Variants in ZNF423 observed in about 807,000 individuals in gnomAD.
The protein encoded by ZNF423 is Ebf-associated zinc finger protein.
In ZNF423, 12 loss-of-function variants were observed where a neutral mutation model predicts 95.8. That is an observed-to-expected ratio of 0.13 (90% confidence interval 0.08 to 0.20). The LOEUF is 0.20. ZNF423 is among the 10% of genes least tolerant of loss of function. The pLI, the probability that ZNF423 is intolerant of heterozygous loss-of-function variation, is 1.00. For synonymous variants in ZNF423, 749 were observed against 711.9 expected, an observed-to-expected ratio of 1.05 and a Z score of -0.83; for missense variants, 1,316 against 1,737.1, an observed-to-expected ratio of 0.76 and a Z score of 4.31.
At chr16:49,755,891 C>T (rs1038109441) in intron 2 of ZNF423, among the ~76,000 whole-genome samples, 1 of 152,166 alleles carries the variant, frequency 6.6e-6, no homozygotes, top group African/African-American at 2.4e-5. Flanking sequence ...GAATGCCTGC[C>T]ACCCGAAGAC....
intron 1 of ZNF423, among the ~76,000 whole-genome samples, chr16:49,806,619 A>G (rs546898109): frequency 2.6e-5 from 4 of 152,270 alleles, no homozygotes; most frequent in Admixed American, 1.3e-4. Context: ...TGATTTGTGT[A>G]TGTATGACGT....
chr16:49,505,034 C>T (rs920507549), intron 7 of ZNF423, among the ~76,000 whole-genome samples: 1 of 152,126 alleles, frequency 6.6e-6, no homozygotes, highest in Admixed American at 6.5e-5. Context: ...CAGGGCACAC[C>T]TACACATGAC....
chr16:49,498,287 T>A (rs895966821), intron 7 of ZNF423, among the ~76,000 whole-genome samples: 1 of 152,234 alleles, frequency 6.6e-6, no homozygotes, highest in Non-Finnish European at 1.5e-5. Context: ...CTGCCACTGG[T>A]GATGGCAGTG....
At chr16:49,617,807 C>T (rs929955589) in intron 5 of ZNF423, among the ~76,000 whole-genome samples, 1 of 152,178 alleles carries the variant, frequency 6.6e-6, no homozygotes, top group Admixed American at 6.5e-5. Context: ...ATGCCACTGA[C>T]CCTGCTCACA....
intron 7 of ZNF423, among the ~76,000 whole-genome samples, chr16:49,510,238 C>A (rs916898492): frequency 6.6e-6 from 1 of 152,236 alleles, no homozygotes; most frequent in Non-Finnish European, 1.5e-5. Context: ...CCCACAGTAA[C>A]CCTCCAAGAG....
chr16:49,674,076 A>T (rs1302630663), intron 3 of ZNF423, among the ~76,000 whole-genome samples: 1 of 152,242 alleles, frequency 6.6e-6, no homozygotes, highest in Non-Finnish European at 1.5e-5. Context: ...GCACTCTGAG[A>T]ACAAAAATTA....
chr16:49,692,143 G>A (rs61415440), intron 3 of ZNF423, among the ~76,000 whole-genome samples: 92,340 of 151,748 alleles, frequency 0.61, 29,764 homozygotes, highest in Non-Finnish European at 0.71. Context: ...GTCGAGACAG[G>A]CATCTCACTT....
intron 1 of ZNF423, among the ~76,000 whole-genome samples, chr16:49,792,922 T>C (rs1264767631): frequency 1.3e-5 from 2 of 152,018 alleles, no homozygotes; most frequent in Non-Finnish European, 2.9e-5. Flanking sequence ...CCACTTCATC[T>C]GGCTAATTTT....
chr16:49,649,201 G>C (rs1457855830), intron 3 of ZNF423, among the ~76,000 whole-genome samples: 1 of 152,204 alleles, frequency 6.6e-6, no homozygotes, highest in African/African-American at 2.4e-5. Flanking sequence ...CTCAAGCCCA[G>C]AGGGTGGAGC....
intron 4 of ZNF423, among the ~76,000 whole-genome samples, chr16:49,626,774 T>G (rs1186508277): frequency 6.7e-6 from 1 of 149,788 alleles, no homozygotes; most frequent in African/African-American, 2.5e-5. Context: ...GACCCATCCA[T>G]CCATCCTCCA....
At chr16:49,605,453 T>G (rs913910938) in intron 5 of ZNF423, among the ~76,000 whole-genome samples, 12 of 152,162 alleles carry the variant, frequency 7.9e-5, no homozygotes, top group Non-Finnish European at 1.5e-4. Context: ...TCCAGCTTTT[T>G]CTTGGCTTCA....
intron 5 of ZNF423, among the ~76,000 whole-genome samples, chr16:49,559,782 A>G (rs1969957656): frequency 6.6e-6 from 1 of 152,178 alleles, no homozygotes; most frequent in Non-Finnish European, 1.5e-5. Flanking sequence ...GGTATTTCAT[A>G]GCAGGGTCCC....
upstream of ZNF423, among the ~76,000 whole-genome samples, chr16:49,858,728 CACG>C (rs2035399660): frequency 7.9e-5 from 11 of 139,914 alleles, no homozygotes; most frequent in South Asian, 4.5e-4. This position sits in a 1 kb window ranked among gnomAD's most constrained non-coding sequence, Gnocchi z 4.3. Context: ...CCCCCCCCCC[CACG>C]CCCCCGCGGC....
intron 1 of ZNF423, among the ~76,000 whole-genome samples, chr16:49,850,596 G>T (rs2035292330): frequency 6.6e-6 from 1 of 152,194 alleles, no homozygotes; most frequent in Non-Finnish European, 1.5e-5. Context: ...GCTGGGCTTT[G>T]CTTCAGCCAG....
intron 3 of ZNF423, among the ~76,000 whole-genome samples, chr16:49,695,214 A>G (rs543449295): frequency 6.6e-6 from 1 of 152,346 alleles, no homozygotes; most frequent in South Asian, 2.1e-4. Flanking sequence ...CACGGGTTCA[A>G]GTGATTCTTG....
chr16:49,683,074 G>A (rs1040206059), intron 3 of ZNF423, among the ~76,000 whole-genome samples: 6 of 152,156 alleles, frequency 3.9e-5, no homozygotes, highest in Non-Finnish European at 4.4e-5. Context: ...GACCCGCCCT[G>A]GCCATCTCCC....
chr16:49,598,975 G>T (rs1462561676), intron 5 of ZNF423, among the ~76,000 whole-genome samples: 2 of 152,212 alleles, frequency 1.3e-5, no homozygotes, highest in Admixed American at 6.5e-5. Flanking sequence ...TGGCTGGAAT[G>T]AAAGGCTACA....
At chr16:49,667,107 T>C (rs1044050528) in intron 3 of ZNF423, among the ~76,000 whole-genome samples, 2 of 152,222 alleles carry the variant, frequency 1.3e-5, no homozygotes, top group Non-Finnish European at 2.9e-5. Flanking sequence ...CCAGATCTTG[T>C]TGAAATCCAA....
chr16:49,624,092 C>T (rs749523319), intron 5 of ZNF423, among the ~76,000 whole-genome samples: 18 of 152,138 alleles, frequency 1.2e-4, no homozygotes, highest in African/African-American at 4.1e-4. Flanking sequence ...TAACCTGTGA[C>T]TCAGCAAGTC....
Sources: allele counts gnomAD v4.1 joint callset (sites outside exome capture counted in the v4.1 genomes callset), GRCh38; gene constraint gnomAD v4.1.1; non-coding constraint Gnocchi (gnomAD v3.1); transcripts MANE v1.5; gene names NCBI Gene and HGNC (gene_info 2026-07-23, HGNC 2026-07-21).